Variants in ANKRD17 observed in about 807,000 individuals in gnomAD.
The protein encoded by ANKRD17 is ankyrin repeat domain-containing protein 17.
ANKRD17 carries 19 observed loss-of-function variants against 229.7 expected under a neutral mutation model. The ratio of observed to expected loss-of-function variants is 0.08; its 90% CI spans 0.06 to 0.12. The LOEUF is 0.12. ANKRD17 is among the 10% of genes least tolerant of loss of function. The pLI, the probability that ANKRD17 is intolerant of heterozygous loss-of-function variation, is 1.00. For synonymous variants in ANKRD17, 1,112 were observed against 1,146.1 expected, an observed-to-expected ratio of 0.97 and a Z score of 0.60; for missense variants, 2,176 against 3,176.8, an observed-to-expected ratio of 0.68 and a Z score of 7.57.
chr4:73,131,004 T>A (rs1728126405), intron 16 of ANKRD17, among the ~76,000 whole-genome samples: 2 of 152,124 alleles, frequency 1.3e-5, no homozygotes, highest in South Asian at 4.1e-4. Flanking sequence ...TAAACTCAAC[T>A]TAAACTCAAG....
rs1189574400 is a variant in ANKRD17 at position 73,102,482 on chromosome 4, C to T, written c.4467G>A (p.Arg1489=). ...TCCTTCTTTGTTCTTCCTTTTTCTT[C>T]CTTCTCTTCTCTTTTCTTTTTTCTC... The part of the protein sequence containing the change: ...AKREKRKEKR[R]KKKEEQRRKL... Residue 1489 remains arginine (R), a synonymous_variant, in exon 25 of 34, where the codon AGG becomes AGA. Coordinates refer to ENST00000358602, the MANE Select transcript of ANKRD17 (RefSeq NM_032217.5). 6.2e-7 allele frequency: 1 copy of T among 1,606,228 alleles called. No homozygotes were observed. Among genetic ancestry groups the T allele is most frequent in the Non-Finnish European group, 8.5e-7 (1 of 1,178,176 alleles).
At chr4:73,103,380 T>C (rs1044397646) in intron 24 of ANKRD17, among the ~76,000 whole-genome samples, 39 of 152,186 alleles carry the variant, frequency 2.6e-4, no homozygotes, top group African/African-American at 8.9e-4. Flanking sequence ...AGAATGATGG[T>C]GACTTTCAAT....
intron 1 of ANKRD17, among the ~76,000 whole-genome samples, chr4:73,191,153 AAATAT>A (rs1560691827): frequency 1.3e-5 from 2 of 152,176 alleles, no homozygotes; most frequent in South Asian, 2.1e-4. Flanking sequence ...ACCAGATGTC[AAATAT>A]AATATAAAAT....
At chr4:73,227,141 C>T (rs185963641) in intron 1 of ANKRD17, among the ~76,000 whole-genome samples, 9 of 152,026 alleles carry the variant, frequency 5.9e-5, no homozygotes, top group African/African-American at 2.2e-4. Context: ...TAAAAACAAG[C>T]CACCTTCCAG....
At chr4:73,124,249 C>G (rs1038407417) in intron 18 of ANKRD17, among the ~76,000 whole-genome samples, 3 of 123,446 alleles carry the variant, frequency 2.4e-5, no homozygotes, top group African/African-American at 9.6e-5. Flanking sequence ...ATGGAGACAA[C>G]ACATCTGGTT....
intron 1 of ANKRD17, among the ~76,000 whole-genome samples, chr4:73,245,968 C>A (rs1744461730): frequency 6.6e-6 from 1 of 152,152 alleles, no homozygotes; most frequent in Admixed American, 6.5e-5. Context: ...CTTTAAGTAA[C>A]CCTACCGGCC....
At chr4:73,157,387 C>T (rs1000328481) in intron 3 of ANKRD17, among the ~76,000 whole-genome samples, 2 of 151,996 alleles carry the variant, frequency 1.3e-5, no homozygotes, top group Non-Finnish European at 2.9e-5. Flanking sequence ...TAAACTCAAG[C>T]AAAATGAGAG....
chr4:73,108,650 G>A (rs991829263), intron 24 of ANKRD17, among the ~76,000 whole-genome samples: 3 of 152,156 alleles, frequency 2.0e-5, no homozygotes, highest in Non-Finnish European at 2.9e-5. Context: ...CTATATGAAA[G>A]TTACTGGAAA....
intron 14 of ANKRD17, among the ~76,000 whole-genome samples, chr4:73,141,318 C>T (rs992430996): frequency 9.9e-5 from 15 of 152,134 alleles, no homozygotes; most frequent in African/African-American, 3.1e-4. Context: ...AAAGGTATCC[C>T]AGATCAGATA....
chr4:73,081,849 T>C (rs1439730305), intron 30 of ANKRD17, among the ~76,000 whole-genome samples: 1 of 152,134 alleles, frequency 6.6e-6, no homozygotes, highest in Non-Finnish European at 1.5e-5. Context: ...GATTTACAAA[T>C]TCAAAAAGTG....
At chr4:73,219,899 G>A (rs1005322939) in intron 1 of ANKRD17, among the ~76,000 whole-genome samples, 1 of 152,076 alleles carries the variant, frequency 6.6e-6, no homozygotes, top group Non-Finnish European at 1.5e-5. Context: ...ATTAAAGGAT[G>A]GAAATATCTG....
intron 1 of ANKRD17, among the ~76,000 whole-genome samples, chr4:73,217,239 T>C (rs1455240507): frequency 6.6e-6 from 1 of 152,238 alleles, no homozygotes; most frequent in Non-Finnish European, 1.5e-5. Context: ...TTGATTCACA[T>C]ACTTCTAGTT....
chr4:73,244,434 T>G (rs554308515), intron 1 of ANKRD17, among the ~76,000 whole-genome samples: 1 of 152,152 alleles, frequency 6.6e-6, no homozygotes, highest in Non-Finnish European at 1.5e-5. Context: ...AGCCACTAGC[T>G]ACATGTAATA....
chr4:73,161,785 T>A (rs960367854), intron 2 of ANKRD17, among the ~76,000 whole-genome samples: 8 of 152,184 alleles, frequency 5.3e-5, no homozygotes, highest in Non-Finnish European at 1.2e-4. Context: ...AGAGTCCTGA[T>A]AAAATTATTT....
intron 1 of ANKRD17, among the ~76,000 whole-genome samples, chr4:73,212,521 T>A (rs1422636078): frequency 6.6e-6 from 1 of 151,974 alleles, no homozygotes; most frequent in East Asian, 1.9e-4. Flanking sequence ...CATATTTCTA[T>A]CTAGAGCTAT....
intron 1 of ANKRD17, among the ~76,000 whole-genome samples, chr4:73,218,445 C>A (rs1741390494): frequency 6.6e-6 from 1 of 152,026 alleles, no homozygotes; most frequent in Admixed American, 6.6e-5. Flanking sequence ...GAGTTAGTGA[C>A]CAGCCTGGCC....
intron 29 of ANKRD17, among the ~76,000 whole-genome samples, chr4:73,087,593 T>C (rs1269712526): frequency 6.6e-6 from 1 of 152,172 alleles, no homozygotes; most frequent in Non-Finnish European, 1.5e-5. Context: ...AAAAGTAATG[T>C]GTGAATCTTG....
At chr4:73,242,870 T>C (rs1430234675) in intron 1 of ANKRD17, among the ~76,000 whole-genome samples, 2 of 152,172 alleles carry the variant, frequency 1.3e-5, no homozygotes, top group African/African-American at 4.8e-5. Flanking sequence ...TATTTAATAC[T>C]AATAAAGCTT....
chr4:73,240,789 T>TAAATTC (rs1013003519), intron 1 of ANKRD17, among the ~76,000 whole-genome samples: 9 of 150,854 alleles, frequency 6.0e-5, no homozygotes, highest in African/African-American at 2.2e-4. Flanking sequence ...TCAGCTTATA[T>TAAATTC]AAATTCAGTA....
Sources: gnomAD v4.1 joint callset for allele counts (sites outside exome capture counted in the v4.1 genomes callset) on GRCh38, gnomAD v4.1.1 for gene constraint, MANE v1.5 for transcripts, NCBI Gene and HGNC (gene_info 2026-07-23, HGNC 2026-07-21) for gene names.